CEP128: variants seen among roughly 807,000 people sequenced by gnomAD.
The protein encoded by CEP128 is centrosomal protein 128.
In CEP128, 132 loss-of-function variants were observed where a neutral mutation model predicts 156.7. The ratio of observed to expected loss-of-function variants is 0.84; its 90% CI spans 0.73 to 0.97. CEP128 has a LOEUF of 0.97. CEP128 is among the 50% of genes least tolerant of loss of function. The probability of loss-of-function intolerance (pLI) is 0.00; values close to 1 mark genes in which losing one functional copy is unlikely to be tolerated. For synonymous variants in CEP128, 469 were observed against 448.9 expected, an observed-to-expected ratio of 1.04 and a Z score of -0.57; for missense variants, 1,252 against 1,281.9, an observed-to-expected ratio of 0.98 and a Z score of 0.36.
intron 2 of CEP128, among the ~76,000 whole-genome samples, chr14:80,920,800 G>A (rs1429074194): frequency 3.3e-4 from 50 of 152,230 alleles, no homozygotes; most frequent in Non-Finnish European, 4.4e-5. Context: ...AGGTTGTAGG[G>A]GAAGGAGCAC....
chr14:80,811,058 G>C (rs1305790518), intron 13 of CEP128, among the ~76,000 whole-genome samples: 1 of 152,092 alleles, frequency 6.6e-6, no homozygotes, highest in Non-Finnish European at 1.5e-5. Context: ...TTGTTCCTGT[G>C]TTAGTTTGCT....
chr14:80,803,097 T>G (rs1017730918), intron 13 of CEP128, among the ~76,000 whole-genome samples: 1 of 152,158 alleles, frequency 6.6e-6, no homozygotes. Context: ...TGCTGAGACA[T>G]GAAGATGAAT....
At chr14:80,895,419 C>G (rs972340054) in intron 8 of CEP128, among the ~76,000 whole-genome samples, 1 of 152,080 alleles carries the variant, frequency 6.6e-6, no homozygotes, top group Non-Finnish European at 1.5e-5. Flanking sequence ...CTTAAATTAT[C>G]TTTCAAATAG....
chr14:80,600,217 A>G (rs1188492513), intron 19 of CEP128, among the ~76,000 whole-genome samples: 3 of 152,240 alleles, frequency 2.0e-5, no homozygotes, highest in Non-Finnish European at 4.4e-5. Flanking sequence ...TAATTCCCAA[A>G]GGAATTATTT....
At chr14:80,527,300 C>T in intron 22 of CEP128, 1 of 444,718 alleles carries the variant, frequency 2.2e-6, no homozygotes, top group Non-Finnish European at 4.5e-6. Context: ...TATGGTGGTG[C>T]ATGGCTGTAG....
chr14:80,583,356 T>G (rs545152856), intron 19 of CEP128, among the ~76,000 whole-genome samples: 50 of 152,274 alleles, frequency 3.3e-4, no homozygotes, highest in Middle Eastern at 6.8e-3. Context: ...GCCACATATC[T>G]TCCCTTTGAG....
At chr14:80,853,161 A>G (rs1886979068) in intron 9 of CEP128, among the ~76,000 whole-genome samples, 1 of 151,736 alleles carries the variant, frequency 6.6e-6, no homozygotes, top group African/African-American at 2.4e-5. Context: ...TCTTAATGCG[A>G]CAAAGGTTAG....
At chr14:80,905,763 A>T (rs1273042420) in intron 5 of CEP128, 192 bp downstream of exon 5, 1 of 514,832 alleles carries the variant, frequency 1.9e-6, no homozygotes, top group East Asian at 3.9e-5. Flanking sequence ...GAGAAAAAAA[A>T]AAAAACAATA....
intron 19 of CEP128, among the ~76,000 whole-genome samples, chr14:80,609,941 C>T (rs1892930723): frequency 6.6e-6 from 1 of 152,016 alleles, no homozygotes; most frequent in African/African-American, 2.4e-5. Flanking sequence ...CTGCCCATCT[C>T]TCAGGTACCC....
chr14:80,530,755 C>T (rs78510786), intron 22 of CEP128, 54 bp downstream of exon 22: 34,672 of 1,273,954 alleles, frequency 0.027, 585 homozygotes, highest in Middle Eastern at 0.065. Flanking sequence ...AGGAAGATGT[C>T]AAGTGTTCTC....
At chr14:80,749,914 G>T (rs1899302981) in intron 18 of CEP128, among the ~76,000 whole-genome samples, 1 of 152,028 alleles carries the variant, frequency 6.6e-6, no homozygotes, top group Non-Finnish European at 1.5e-5. Flanking sequence ...GCAAACAAAA[G>T]AAATATATAA....
chr14:80,508,494 T>G (rs1888091436), intron 23 of CEP128, among the ~76,000 whole-genome samples: 1 of 152,202 alleles, frequency 6.6e-6, no homozygotes, highest in African/African-American at 2.4e-5. Context: ...TCATTATCAT[T>G]ATTAGGGTTA....
intron 13 of CEP128, among the ~76,000 whole-genome samples, chr14:80,798,967 A>AT (rs1217646249): frequency 6.6e-6 from 1 of 152,228 alleles, no homozygotes; most frequent in Non-Finnish European, 1.5e-5. Context: ...TTAAATAATC[A>AT]TTTTCATTTA....
chr14:80,846,915 G>A lies in CEP128; in HGVS notation c.763-6147C>T, dbSNP rs73340105. On this transcript the variant is annotated intron_variant, in intron 9 of 24. Transcript: ENST00000555265. ...TTTGTTTTATCATTATTCAATACTA[G>A]GCCAATGAAATATATTATCAAACTG... Among the ~76,000 whole-genome samples, 1,149 of 152,118 alleles carry A rather than the reference G, an allele frequency of 7.6e-3. 14 individuals carry two copies. The highest frequency in any genetic ancestry group is 0.025 in the African/African-American group (1,047 of 41,492).
At chr14:80,527,757 T>C (rs558128444) in intron 22 of CEP128, among the ~76,000 whole-genome samples, 47 of 152,336 alleles carry the variant, frequency 3.1e-4, no homozygotes, top group African/African-American at 1.1e-3. Flanking sequence ...TCCCACCTTT[T>C]AACTATTATG....
At chr14:80,518,102 G>T (rs888939142) in intron 23 of CEP128, among the ~76,000 whole-genome samples, 3 of 149,318 alleles carry the variant, frequency 2.0e-5, no homozygotes, top group African/African-American at 5.0e-5. Context: ...AATGGGAGGG[G>T]ACCCAAAGGG....
chr14:80,607,523 T>C (rs1892833823), intron 19 of CEP128, among the ~76,000 whole-genome samples: 1 of 152,184 alleles, frequency 6.6e-6, no homozygotes, highest in East Asian at 1.9e-4. Context: ...TGTGTTACAA[T>C]AAATGTAAAA....
chr14:80,653,693 CT>C (rs1409635111), intron 19 of CEP128, among the ~76,000 whole-genome samples: 2 of 151,996 alleles, frequency 1.3e-5, no homozygotes, highest in African/African-American at 4.8e-5. Flanking sequence ...TTATCGGGCC[CT>C]TAAGAATTAT....
At chr14:80,539,485 C>T (rs184476523) in intron 21 of CEP128, among the ~76,000 whole-genome samples, 12 of 152,308 alleles carry the variant, frequency 7.9e-5, no homozygotes, top group Middle Eastern at 3.4e-3. Flanking sequence ...TAATTTATTA[C>T]GCCTATCTTT....
Sources: allele counts gnomAD v4.1 joint callset (sites outside exome capture counted in the v4.1 genomes callset), GRCh38; gene constraint gnomAD v4.1.1; transcripts MANE v1.5; gene names NCBI Gene and HGNC (gene_info 2026-07-23, HGNC 2026-07-21).